Variants in RBFOX3 observed in about 807,000 individuals in gnomAD.
RBFOX3 encodes RNA binding protein fox-1 homolog 3.
In RBFOX3, 17 loss-of-function variants were observed where a neutral mutation model predicts 48.7. The ratio of observed to expected loss-of-function variants is 0.35; its 90% CI spans 0.24 to 0.52. The LOEUF (loss-of-function observed/expected upper bound fraction) is 0.52. Ranked by LOEUF, RBFOX3 falls within the 20% of genes least tolerant of loss-of-function variation. RBFOX3 has a pLI of 0.94. For synonymous variants in RBFOX3, 212 were observed against 209.5 expected, an observed-to-expected ratio of 1.01 and a Z score of -0.10; for missense variants, 382 against 497.5, an observed-to-expected ratio of 0.77 and a Z score of 2.21.
chr17:79,101,723 T>C, intron 8 of RBFOX3, 79 bp from the exon 9 acceptor site: 1 of 1,282,712 alleles, frequency 7.8e-7, no homozygotes, highest in Non-Finnish European at 1.1e-6. Flanking sequence ...CTCCCCGCCC[T>C]GCTCCGTTAG....
At chr17:79,272,472 C>G (rs1006911162) in intron 3 of RBFOX3, among the ~76,000 whole-genome samples, 3 of 152,198 alleles carry the variant, frequency 2.0e-5, no homozygotes, top group Non-Finnish European at 4.4e-5. Flanking sequence ...CAAGCCATTC[C>G]CCTCTTCTCA....
chr17:79,157,173 T>A (rs1196389727), intron 4 of RBFOX3, among the ~76,000 whole-genome samples: 1 of 152,156 alleles, frequency 6.6e-6, no homozygotes, highest in Non-Finnish European at 1.5e-5. Flanking sequence ...CGTGTCTCAC[T>A]TTGGGCTCTG....
chr17:79,587,116 A>G (rs2093274208), intron 1 of RBFOX3, among the ~76,000 whole-genome samples: 1 of 152,180 alleles, frequency 6.6e-6, no homozygotes, highest in Admixed American at 6.5e-5. Flanking sequence ...TGGTGGGCGC[A>G]AGGCAGAAAG....
chr17:79,316,001 A>C (rs764508921), intron 2 of RBFOX3, among the ~76,000 whole-genome samples: 7 of 152,166 alleles, frequency 4.6e-5, no homozygotes, highest in Non-Finnish European at 7.4e-5. Flanking sequence ...AAGCTATTTC[A>C]TTCCCTATTA....
chr17:79,433,987 C>A (rs546955973), intron 2 of RBFOX3, among the ~76,000 whole-genome samples: 1 of 152,272 alleles, frequency 6.6e-6, no homozygotes, highest in Middle Eastern at 3.4e-3. Context: ...AGAGGAAGCA[C>A]CTCTAATTTT....
intron 1 of RBFOX3, among the ~76,000 whole-genome samples, chr17:79,548,412 G>C (rs889979964): frequency 8.5e-5 from 13 of 152,244 alleles, no homozygotes; most frequent in African/African-American, 2.7e-4. Context: ...CTGCCTGTGG[G>C]GAGGACAGCA....
intron 1 of RBFOX3, among the ~76,000 whole-genome samples, chr17:79,559,766 T>C (rs2092075953): frequency 7.0e-6 from 1 of 143,080 alleles, no homozygotes. Context: ...GATGGGTGGA[T>C]GGTGAATAGT....
the RBFOX3 span, among the ~76,000 whole-genome samples, chr17:79,617,711 A>G: frequency 6.6e-6 from 1 of 152,194 alleles, no homozygotes. Flanking sequence ...TCATCCCTCC[A>G]GTGGTCTCAC....
At chr17:79,380,757 C>T (rs1049257911) in intron 2 of RBFOX3, among the ~76,000 whole-genome samples, 6 of 151,600 alleles carry the variant, frequency 4.0e-5, no homozygotes, top group African/African-American at 1.5e-4. Flanking sequence ...TGGGTTCTAC[C>T]TGCGTGCTCT....
intron 1 of RBFOX3, among the ~76,000 whole-genome samples, chr17:79,489,657 A>G (rs994404141): frequency 5.3e-5 from 8 of 152,074 alleles, no homozygotes; most frequent in Non-Finnish European, 7.4e-5. Context: ...CACCCTCCCA[A>G]CTGCAGCATT....
At chr17:79,555,660 G>A (rs912381508) in intron 1 of RBFOX3, among the ~76,000 whole-genome samples, 1,952 of 23,708 alleles carry the variant, frequency 0.082, 23 homozygotes, top group East Asian at 0.33. Context: ...TGGTGGTGGT[G>A]GTGATGGTGA....
intron 4 of RBFOX3, among the ~76,000 whole-genome samples, chr17:79,138,889 C>A (rs557239872): frequency 5.5e-5 from 5 of 91,208 alleles, no homozygotes; most frequent in African/African-American, 2.3e-4. Context: ...CGCAGGCATA[C>A]AGCAATGCAT....
At chr17:79,403,462 C>T (rs2063082022) in intron 2 of RBFOX3, among the ~76,000 whole-genome samples, 1 of 152,240 alleles carries the variant, frequency 6.6e-6, no homozygotes, top group African/African-American at 2.4e-5. Flanking sequence ...GCCTGACTTC[C>T]AGACTCCAGA....
chr17:79,245,914 C>T (rs1196257831), intron 3 of RBFOX3, among the ~76,000 whole-genome samples: 1 of 152,114 alleles, frequency 6.6e-6, no homozygotes, highest in East Asian at 1.9e-4. Flanking sequence ...ACATGAGCCA[C>T]CACGCCCAGC....
In RBFOX3 at chr17:79,426,705, GTTTGTTTT is replaced by G. The variant is rs536125906; in HGVS notation, c.-175+55741_-175+55748del. On this transcript the variant is annotated intron_variant, in intron 2 of 14. Transcript: ENST00000693108. ...TGGGGTGTGTGTTTTTTGTTTGTTTGTTTGTTTTTTTGCTTTGAGACAGAATTTCACTC... is the reference window on the plus strand; with the variant it reads ...TGGGGTGTGTGTTTTTTGTTTGTTTGTTTGCTTTGAGACAGAATTTCACTC... Among the ~76,000 whole-genome samples the G allele has an allele frequency of 1.9e-3, 292 of 152,142 alleles. 2 individuals carry two copies. The highest frequency in any genetic ancestry group is 6.7e-3 in the African/African-American group (278 of 41,502).
intron 1 of RBFOX3, among the ~76,000 whole-genome samples, chr17:79,565,292 A>G (rs947869270): frequency 6.6e-6 from 1 of 151,870 alleles, no homozygotes; most frequent in African/African-American, 2.4e-5. Context: ...ACTATTTACT[A>G]TAAGCATAGA....
At chr17:79,577,057 C>T (rs1445465602) in intron 1 of RBFOX3, among the ~76,000 whole-genome samples, 3 of 152,148 alleles carry the variant, frequency 2.0e-5, no homozygotes, top group African/African-American at 4.8e-5. Flanking sequence ...CACACACAGA[C>T]GACTCACAGC....
At chr17:79,090,946 A>G (rs1366300644) in intron 14 of RBFOX3, 61 bp from the exon 15 acceptor site, 3 of 1,513,232 alleles carry the variant, frequency 2.0e-6, no homozygotes, top group Middle Eastern at 1.7e-4. Context: ...GCAGGTGTGA[A>G]GGCGACAGGA....
intron 4 of RBFOX3, among the ~76,000 whole-genome samples, chr17:79,117,426 C>T (rs2034374501): frequency 6.6e-6 from 1 of 152,224 alleles, no homozygotes. Flanking sequence ...TCACCCGGGG[C>T]CACGCACGCT....
Sources: gnomAD v4.1 joint callset for allele counts (sites outside exome capture counted in the v4.1 genomes callset) on GRCh38, gnomAD v4.1.1 for gene constraint, MANE v1.5 for transcripts, NCBI Gene and HGNC (gene_info 2026-07-23, HGNC 2026-07-21) for gene names.